UGT2B4: variants seen among roughly 807,000 people sequenced by gnomAD.
UGT2B4 encodes UDP glucuronosyltransferase family 2 member B4.
A neutral mutation model predicts 49.8 loss-of-function variants in UGT2B4; 49 were observed. That is an observed-to-expected ratio of 0.98 (90% CI 0.78 to 1.25). The LOEUF (loss-of-function observed/expected upper bound fraction) is 1.25, where lower values mean the gene tolerates loss of function less well. Ranked by LOEUF, UGT2B4 falls within the 50% of genes most tolerant of loss-of-function variation. The pLI, the probability that UGT2B4 is intolerant of heterozygous loss-of-function variation, is 0.00. For synonymous variants in UGT2B4, 246 were observed against 217.7 expected, an observed-to-expected ratio of 1.13 and a Z score of -1.14; for missense variants, 729 against 627.7, an observed-to-expected ratio of 1.16 and a Z score of -1.73.
intron 2 of UGT2B4, among the ~76,000 whole-genome samples, chr4:69,490,976 A>C (rs777401673): frequency 1.5e-4 from 23 of 152,196 alleles, no homozygotes; most frequent in Admixed American, 5.2e-4. Flanking sequence ...CAACTTTAAA[A>C]TAATAATACA....
chr4:69,513,584 T>C (rs940015492), intron 1 of UGT2B4, among the ~76,000 whole-genome samples: 5 of 152,314 alleles, frequency 3.3e-5, no homozygotes, highest in East Asian at 1.9e-4. Flanking sequence ...CATATAAATT[T>C]TAAAATAGTT....
chr4:69,480,546 G>C lies in UGT2B4; in HGVS notation c.*88C>G. On this transcript the variant is annotated 3_prime_UTR_variant, in exon 6 of 6. Transcript: ENST00000305107. ...AAAGATGTTTTGTCACAAGAAGAAA[G>C]GAATCTCTTGTATCACAACGTCTTC... is the stretch of plus-strand genomic sequence containing the variant. The C allele has an allele frequency of 1.3e-6, 2 of 1,509,268 alleles. No individual in the cohort carries two copies. The highest frequency in any genetic ancestry group is 1.8e-6 in the Non-Finnish European group (2 of 1,127,238). 93.5% of individuals were successfully genotyped at this position (1,509,268 alleles called of 1,614,324 possible).
upstream of UGT2B4, among the ~76,000 whole-genome samples, chr4:69,497,981 A>G (rs903654950): frequency 1.3e-5 from 2 of 148,614 alleles, no homozygotes; most frequent in Non-Finnish European, 3.0e-5. Context: ...GTTAGTAGCC[A>G]ACAACATTAA....
At chr4:69,502,175 CTTCA>C (rs1464106204) in intron 1 of UGT2B4, among the ~76,000 whole-genome samples, 1 of 97,654 alleles carries the variant, frequency 1.0e-5, no homozygotes, top group Non-Finnish European at 2.0e-5. Context: ...TCTTTCTTTT[CTTCA>C]TTCAGTTGTT....
chr4:69,502,143 TTCTTTCTC>T (rs1161609641), intron 1 of UGT2B4, among the ~76,000 whole-genome samples: 2 of 135,838 alleles, frequency 1.5e-5, no homozygotes, highest in African/African-American at 2.8e-5. Flanking sequence ...CTTTCTTTCT[TTCTTTCTC>T]TTTCTTTCTT....
chr4:69,487,723 C>A (rs1294495268), intron 3 of UGT2B4, among the ~76,000 whole-genome samples: 1 of 152,010 alleles, frequency 6.6e-6, no homozygotes, highest in Non-Finnish European at 1.5e-5. Flanking sequence ...CAAACCTCCA[C>A]ATTTACCCTT....
At chr4:69,499,685 C>T (rs189134695), upstream of UGT2B4, among the ~76,000 whole-genome samples, 385 of 152,212 alleles carry the variant, frequency 2.5e-3, 1 homozygote, top group African/African-American at 8.9e-3. Flanking sequence ...GATAGCAAGA[C>T]CTGCTTCTTT....
At chr4:69,489,161 C>A (rs950506085) in intron 3 of UGT2B4, among the ~76,000 whole-genome samples, 1 of 152,048 alleles carries the variant, frequency 6.6e-6, no homozygotes, top group Non-Finnish European at 1.5e-5. Context: ...TCTTACCTGA[C>A]CCCAGTATCA....
upstream of UGT2B4, among the ~76,000 whole-genome samples, chr4:69,496,888 G>T (rs987750936): frequency 1.3e-5 from 2 of 151,632 alleles, no homozygotes; most frequent in Non-Finnish European, 2.9e-5. Context: ...ATGATTTAGA[G>T]AGTTTCAAGA....
chr4:69,508,069 C>T lies in UGT2B4; in HGVS notation c.-105-12103G>A, dbSNP rs146755874. Among the ~76,000 whole-genome samples the T allele has an allele frequency of 2.8e-3, 421 of 152,104 alleles. 4 individuals carry two copies. The highest frequency in any genetic ancestry group is 9.2e-3 in the African/African-American group (383 of 41,510). On this transcript the variant is annotated intron_variant, in intron 1 of 1. Transcript: ENST00000510114. The stretch of plus-strand genomic sequence containing the variant: ...AGACACTTTTCAAAAGAAGATATAC[C>T]TGCATCCAGCAATATTTGAAAAAAT...
intron 2 of UGT2B4, among the ~76,000 whole-genome samples, chr4:69,490,507 A>C (rs1298912308): frequency 6.6e-6 from 1 of 152,156 alleles, no homozygotes; most frequent in Non-Finnish European, 1.5e-5. Context: ...ACACTACATA[A>C]AAATCTTAGT....
intron 5 of UGT2B4, among the ~76,000 whole-genome samples, chr4:69,483,315 T>C (rs1727656810): frequency 6.6e-6 from 1 of 152,148 alleles, no homozygotes; most frequent in Non-Finnish European, 1.5e-5. Context: ...AACTATTACC[T>C]ACTCAACATG....
chr4:69,490,788 T>C (rs1471954458), intron 2 of UGT2B4, among the ~76,000 whole-genome samples: 1 of 152,164 alleles, frequency 6.6e-6, no homozygotes, highest in Non-Finnish European at 1.5e-5. Context: ...ATACATAGGA[T>C]ATCCAGGTAT....
chr4:69,509,360 A>G (rs751485337), intron 1 of UGT2B4, among the ~76,000 whole-genome samples: 32 of 151,944 alleles, frequency 2.1e-4, no homozygotes, highest in Non-Finnish European at 2.9e-4. Context: ...TTTAGTACAG[A>G]TGGGGTTCAC....
chr4:69,492,992 C>T (rs1439199655), intron 2 of UGT2B4, among the ~76,000 whole-genome samples: 1 of 152,054 alleles, frequency 6.6e-6, no homozygotes, highest in Non-Finnish European at 1.5e-5. Context: ...TTAGTAGTCC[C>T]TAAATGTGCT....
intron 5 of UGT2B4, among the ~76,000 whole-genome samples, chr4:69,482,101 TAGCA>T (rs1229145299): frequency 2.0e-5 from 3 of 152,178 alleles, no homozygotes; most frequent in Non-Finnish European, 4.4e-5. Context: ...GCTCCTGTCC[TAGCA>T]TCTTACACAT....
At chr4:69,519,539 C>T (rs897585783) in intron 1 of UGT2B4, among the ~76,000 whole-genome samples, 1 of 152,170 alleles carries the variant, frequency 6.6e-6, no homozygotes, top group Non-Finnish European at 1.5e-5. Context: ...GCCCCCAAAT[C>T]ACTAAGTCAA....
At chr4:69,520,316 G>A (rs1432325) in intron 1 of UGT2B4, among the ~76,000 whole-genome samples, 1,734 of 152,314 alleles carry the variant, frequency 0.011, 27 homozygotes, top group African/African-American at 0.039. Flanking sequence ...CAGCCCGTAC[G>A]ACACAGCCAC....
chr4:69,521,025 A>G (rs1728838929), intron 1 of UGT2B4, among the ~76,000 whole-genome samples: 2 of 152,178 alleles, frequency 1.3e-5, no homozygotes, highest in Admixed American at 1.3e-4. Context: ...TTCTGAGCCC[A>G]TAAAAACCTC....
Sources: allele counts gnomAD v4.1 joint callset (sites outside exome capture counted in the v4.1 genomes callset), GRCh38; gene constraint gnomAD v4.1.1; transcripts MANE v1.5; gene names NCBI Gene and HGNC (gene_info 2026-07-23, HGNC 2026-07-21).